The following SNTG1 variants were observed in gnomAD, a reference collection of about 807,000 sequenced individuals.
SNTG1 encodes the protein syntrophin gamma 1.
SNTG1 carries 39 observed loss-of-function variants against 74.7 expected under a neutral mutation model. That is an observed-to-expected ratio of 0.52 (90% CI 0.40 to 0.68). SNTG1 has a LOEUF of 0.68. Among genes scored for constraint, SNTG1 ranks in the 30% least tolerant of loss-of-function variants. The pLI, the probability that SNTG1 is intolerant of heterozygous loss-of-function variation, is 0.00. For synonymous variants in SNTG1, 254 were observed against 217.1 expected (o/e 1.17, Z -1.49); for missense variants, 685 against 609.5 (o/e 1.12, Z -1.30).
intron 8 of SNTG1, among the ~76,000 whole-genome samples, chr8:50,489,674 G>A (rs2093832674): frequency 6.6e-6 from 1 of 150,486 alleles, no homozygotes; most frequent in Admixed American, 6.6e-5. Flanking sequence ...CAGGATATTA[G>A]CCCTTTGCCA....
chr8:50,013,566 A>C (rs1284621432), intron 1 of SNTG1, among the ~76,000 whole-genome samples: 1 of 151,958 alleles, frequency 6.6e-6, no homozygotes, highest in South Asian at 2.1e-4. Flanking sequence ...GCTCTCTGTG[A>C]CAGTAACTAT....
chr8:50,467,471 T>A (rs926886916), intron 8 of SNTG1, among the ~76,000 whole-genome samples: 3 of 151,894 alleles, frequency 2.0e-5, no homozygotes, highest in Non-Finnish European at 2.9e-5. Context: ...ATCCATGGGA[T>A]CAATAAGTAT....
intron 2 of SNTG1, among the ~76,000 whole-genome samples, chr8:50,205,319 A>T (rs2084169801): frequency 1.3e-5 from 2 of 152,224 alleles, no homozygotes; most frequent in Admixed American, 1.3e-4. Flanking sequence ...TCTGATGGCC[A>T]ATGATGATGA....
intron 4 of SNTG1, among the ~76,000 whole-genome samples, chr8:50,436,515 T>C (rs2093304759): frequency 6.6e-6 from 1 of 152,138 alleles, no homozygotes; most frequent in Non-Finnish European, 1.5e-5. Flanking sequence ...CTTTTACAAA[T>C]GTTAATTCTC....
chr8:50,115,567 C>CAAAAAAAAA (rs11386539), intron 1 of SNTG1, among the ~76,000 whole-genome samples: 12 of 40,468 alleles, frequency 3.0e-4, no homozygotes, highest in East Asian at 4.0e-3. Flanking sequence ...GACTCTGTCT[C>CAAAAAAAAA]AAAAAAAAAA....
At chr8:50,295,601 A>G (rs568583367) in intron 2 of SNTG1, among the ~76,000 whole-genome samples, 8 of 152,164 alleles carry the variant, frequency 5.3e-5, no homozygotes, top group Non-Finnish European at 8.8e-5. Flanking sequence ...TCTTTGTGCC[A>G]TAAGTTAAAA....
intron 2 of SNTG1, among the ~76,000 whole-genome samples, chr8:50,360,755 C>T (rs528212191): frequency 1.3e-5 from 2 of 152,156 alleles, no homozygotes; most frequent in East Asian, 3.9e-4. Context: ...AAAAGTATGG[C>T]ATAAAAGATA....
At chr8:50,385,376 T>G (rs143520848) in intron 2 of SNTG1, among the ~76,000 whole-genome samples, 94 of 152,294 alleles carry the variant, frequency 6.2e-4, no homozygotes, top group African/African-American at 2.0e-3. Flanking sequence ...AACAACCTAT[T>G]CTTTACCTTA....
At chr8:50,364,594 C>T (rs77703456) in intron 2 of SNTG1, among the ~76,000 whole-genome samples, 7,493 of 152,130 alleles carry the variant, frequency 0.049, 252 homozygotes, top group Non-Finnish European at 0.071. Context: ...TTCTCTGAGA[C>T]ATAACACCAT....
intron 2 of SNTG1, among the ~76,000 whole-genome samples, chr8:50,244,211 T>G (rs2086290012): frequency 6.6e-6 from 1 of 152,060 alleles, no homozygotes; most frequent in Non-Finnish European, 1.5e-5. Flanking sequence ...CCACTCGCTA[T>G]CATGAGGACA....
chr8:50,454,829 T>TAAAAAAA (rs1158732952), intron 8 of SNTG1, among the ~76,000 whole-genome samples: 152 of 95,140 alleles, frequency 1.6e-3, no homozygotes, highest in African/African-American at 6.0e-3. Flanking sequence ...CAGACAGAGC[T>TAAAAAAA]AAAAAAAAAA....
intron 1 of SNTG1, among the ~76,000 whole-genome samples, chr8:50,136,075 A>G (rs2081465915): frequency 6.6e-6 from 1 of 152,192 alleles, no homozygotes; most frequent in Non-Finnish European, 1.5e-5. Context: ...GCTGCAAAGG[A>G]CATGATCTTG....
intron 9 of SNTG1, among the ~76,000 whole-genome samples, chr8:50,503,457 G>C (rs1268920548): frequency 6.6e-6 from 1 of 152,110 alleles, no homozygotes; most frequent in Non-Finnish European, 1.5e-5. Flanking sequence ...CAAAGATCTT[G>C]CACAGTCGGA....
At chr8:50,556,254 C>T (rs2094454968) in intron 12 of SNTG1, among the ~76,000 whole-genome samples, 1 of 152,056 alleles carries the variant, frequency 6.6e-6, no homozygotes, top group Non-Finnish European at 1.5e-5. Context: ...GCTGTATTGG[C>T]ACAGCTTTCA....
intron 2 of SNTG1, among the ~76,000 whole-genome samples, chr8:50,318,804 G>A (rs1165925055): frequency 1.3e-5 from 2 of 152,032 alleles, no homozygotes. Context: ...AATAATACAT[G>A]CACATCCATC....
intron 12 of SNTG1, among the ~76,000 whole-genome samples, chr8:50,580,385 T>C (rs755808654): frequency 9.2e-5 from 14 of 152,058 alleles, no homozygotes; most frequent in Non-Finnish European, 1.9e-4. Flanking sequence ...CTGGAATGAG[T>C]TAAGGCTTTG....
intron 2 of SNTG1, among the ~76,000 whole-genome samples, chr8:50,204,372 T>C (rs79259800): frequency 6.6e-6 from 1 of 152,110 alleles, no homozygotes; most frequent in Non-Finnish European, 1.5e-5. Context: ...ATGTTCCAAG[T>C]AGATTATCTT....
chr8:50,721,027 G>A (rs1424114423), intron 17 of SNTG1, among the ~76,000 whole-genome samples: 3 of 152,132 alleles, frequency 2.0e-5, no homozygotes, highest in African/African-American at 7.2e-5. Context: ...GAGCTGGTAA[G>A]GAAATGAATA....
intron 4 of SNTG1, among the ~76,000 whole-genome samples, chr8:50,409,271 G>T (rs1243283551): frequency 6.6e-6 from 1 of 152,198 alleles, no homozygotes; most frequent in Non-Finnish European, 1.5e-5. Flanking sequence ...ACAAGAGACA[G>T]CTAGAGAGTT....
Sources: allele counts gnomAD v4.1 joint callset (sites outside exome capture counted in the v4.1 genomes callset), GRCh38; gene constraint gnomAD v4.1.1; transcripts MANE v1.5; gene names NCBI Gene and HGNC (gene_info 2026-07-23, HGNC 2026-07-21).